Variants in GRIN2A observed in about 807,000 individuals in gnomAD.
The protein encoded by GRIN2A is glutamate receptor ionotropic, NMDA 2A.
Under a neutral mutation model 113.4 loss-of-function variants are expected in GRIN2A, and 22 were observed. The ratio of observed to expected loss-of-function variants is 0.19; its 90% CI spans 0.14 to 0.28. The LOEUF (loss-of-function observed/expected upper bound fraction) is 0.28. Among genes scored for constraint, GRIN2A ranks in the 10% least tolerant of loss-of-function variants. GRIN2A has a pLI of 1.00. For missense variants in GRIN2A, 1,502 were observed against 1,887.0 expected (o/e 0.80, Z 3.78); for synonymous variants, 827 against 738.4 (o/e 1.12, Z -1.94).
chr16:10,111,508 G>T lies in GRIN2A; in HGVS notation c.414+68490C>A, dbSNP rs139640390. The T allele has an allele frequency of 2.4e-3, 1,734 of 711,022 alleles. 7 individuals carry two copies. The highest frequency in any genetic ancestry group is 3.4e-3 in the Non-Finnish European group (1,326 of 389,124). The allele number at this position is 711,022 out of a possible 1,614,324, so 44.0% of individuals were successfully genotyped here. On this transcript the variant is annotated intron_variant, in intron 2 of 12. Transcript: ENST00000330684. ...CTTCCTGATTCTCCCATGGTTCATA[G>T]ATTTCATAGCTGATGAGGTAGACCT...
At chr16:9,859,939 G>A (rs759247968) in intron 4 of GRIN2A, among the ~76,000 whole-genome samples, 3 of 151,496 alleles carry the variant, frequency 2.0e-5, no homozygotes, top group East Asian at 2.0e-4. Context: ...CCACTGTGCC[G>A]GGTAATACTG....
chr16:9,945,462 G>T (rs1018301788), intron 2 of GRIN2A, among the ~76,000 whole-genome samples: 2 of 152,156 alleles, frequency 1.3e-5, no homozygotes, highest in Non-Finnish European at 2.9e-5. Flanking sequence ...GGTGAGACAT[G>T]AGTTAGGACA....
chr16:10,040,284 T>C (rs539554796), intron 2 of GRIN2A, among the ~76,000 whole-genome samples: 1 of 106,818 alleles, frequency 9.4e-6, no homozygotes, highest in Non-Finnish European at 1.9e-5. Context: ...CATAAACACA[T>C]CCACGTCATG....
intron 3 of GRIN2A, among the ~76,000 whole-genome samples, chr16:9,923,157 T>C (rs534420745): frequency 5.9e-5 from 9 of 152,136 alleles, no homozygotes; most frequent in Non-Finnish European, 1.0e-4. Flanking sequence ...ACTAGATGCA[T>C]AGTTTGATCT....
At chr16:10,078,848 T>G (rs2352741) in intron 2 of GRIN2A, among the ~76,000 whole-genome samples, 2 of 151,886 alleles carry the variant, frequency 1.3e-5, no homozygotes, top group South Asian at 4.1e-4. Context: ...AAAGGGAGCA[T>G]GCTGACTGAC....
At chr16:9,813,711 A>AGAT (rs1224348216) in intron 10 of GRIN2A, among the ~76,000 whole-genome samples, 1 of 150,406 alleles carries the variant, frequency 6.6e-6, no homozygotes, top group African/African-American at 2.4e-5. Flanking sequence ...AAAAAAAAAA[A>AGAT]GATGTCTGTG....
intron 2 of GRIN2A, among the ~76,000 whole-genome samples, chr16:9,944,614 G>T (rs182199600): frequency 2.0e-5 from 3 of 152,226 alleles, no homozygotes; most frequent in African/African-American, 7.2e-5. Context: ...ATCGTATGTG[G>T]TTGCCTAGTT....
intron 2 of GRIN2A, among the ~76,000 whole-genome samples, chr16:10,040,603 A>G (rs1033982798): frequency 6.6e-6 from 1 of 151,988 alleles, no homozygotes; most frequent in African/African-American, 2.4e-5. Context: ...ACACACATCC[A>G]CACCACATTC....
intron 11 of GRIN2A, among the ~76,000 whole-genome samples, chr16:9,787,894 T>C (rs917961385): frequency 1.3e-5 from 2 of 152,150 alleles, no homozygotes; most frequent in Non-Finnish European, 2.9e-5. Flanking sequence ...TGCTGAGTCA[T>C]CTGAGGACAC....
intron 2 of GRIN2A, among the ~76,000 whole-genome samples, chr16:10,023,612 C>T (rs1017890085): frequency 6.6e-6 from 1 of 152,170 alleles, no homozygotes; most frequent in Non-Finnish European, 1.5e-5. Flanking sequence ...GGAATTAAAA[C>T]ACCAAAAAGA....
intron 2 of GRIN2A, among the ~76,000 whole-genome samples, chr16:10,165,965 G>A (rs934064007): frequency 1.3e-5 from 2 of 152,128 alleles, no homozygotes; most frequent in Non-Finnish European, 2.9e-5. Context: ...TGGAAGCCAT[G>A]CACACACCCT....
At chr16:10,003,490 A>G (rs888758473) in intron 2 of GRIN2A, among the ~76,000 whole-genome samples, 1 of 152,198 alleles carries the variant, frequency 6.6e-6, no homozygotes, top group Non-Finnish European at 1.5e-5. Context: ...AGAGATGACC[A>G]TGGTATTGTT....
chr16:9,859,712 C>T (rs924495023), intron 4 of GRIN2A, among the ~76,000 whole-genome samples: 1 of 151,848 alleles, frequency 6.6e-6, no homozygotes, highest in African/African-American at 2.4e-5. Flanking sequence ...CACCCACTTT[C>T]CTGCCTATGC....
Position 9,950,369 on chromosome 16 carries a change from G to A in GRIN2A, c.415-11818C>T, listed in dbSNP as rs2045148236. ...GTGAGAGGATCCCTAGGGAGCCCTTGGACCTCATGGTTACTTGAGGCCCTA... is the reference window on the plus strand; with the variant it reads ...GTGAGAGGATCCCTAGGGAGCCCTTAGACCTCATGGTTACTTGAGGCCCTA... On this transcript the variant is annotated intron_variant, in intron 2 of 12. Coordinates refer to ENST00000330684, the MANE Select transcript of GRIN2A (RefSeq NM_001134407.3). Among the ~76,000 whole-genome samples, 7 of 152,140 alleles carry A rather than the reference G, an allele frequency of 4.6e-5. No individual in the cohort carries two copies. In the South Asian group the frequency reaches 1.5e-3, roughly 32 times the overall value.
intron 3 of GRIN2A, among the ~76,000 whole-genome samples, chr16:9,920,585 A>G (rs1334025770): frequency 1.4e-5 from 2 of 144,940 alleles, no homozygotes; most frequent in Non-Finnish European, 3.0e-5. Flanking sequence ...TTTTTTTCAG[A>G]TGGAGTCTTG....
At chr16:10,061,123 C>T (rs2047544628) in intron 2 of GRIN2A, among the ~76,000 whole-genome samples, 1 of 152,126 alleles carries the variant, frequency 6.6e-6, no homozygotes, top group Non-Finnish European at 1.5e-5. Context: ...CTAGAGTGTG[C>T]CCTTTTTGCT....
rs577348993 is a variant in GRIN2A at position 9,949,221 on chromosome 16, T to C, written c.415-10670A>G. Among the ~76,000 whole-genome samples, 17 of 152,298 alleles carry C rather than the reference T, an allele frequency of 1.1e-4. 1 individual carries two copies. The highest frequency in any genetic ancestry group is 6.8e-3 in the Middle Eastern group (2 of 294). ...AACCAGATTAATGCTAATTCATCTG[T>C]ACAGTAATAGCACACAGCCCAGCTC... On this transcript the variant is annotated intron_variant, in intron 2 of 12. Transcript: ENST00000330684.
intron 2 of GRIN2A, among the ~76,000 whole-genome samples, chr16:10,127,723 G>A (rs548635376): frequency 3.3e-5 from 5 of 152,120 alleles, no homozygotes; most frequent in African/African-American, 1.2e-4. Context: ...ATGAATTCAG[G>A]CACTGGAAGC....
intron 6 of GRIN2A, 32 bp from the exon 7 acceptor site, chr16:9,840,832 A>AGAG: frequency 8.1e-7 from 1 of 1,229,002 alleles, no homozygotes; most frequent in Non-Finnish European, 1.1e-6. Flanking sequence ...AAAAAAAAAA[A>AGAG]AGAGAGAGAG....
Sources: allele counts gnomAD v4.1 joint callset (sites outside exome capture counted in the v4.1 genomes callset), GRCh38; gene constraint gnomAD v4.1.1; transcripts MANE v1.5; gene names NCBI Gene and HGNC (gene_info 2026-07-23, HGNC 2026-07-21).